Variants in NPHP4 observed in about 807,000 individuals in gnomAD.
NPHP4 encodes the protein nephrocystin-4.
NPHP4 carries 151 observed loss-of-function variants against 155.8 expected under a neutral mutation model. The observed-to-expected ratio is 0.97, with a 90% confidence interval of 0.85 to 1.11. The LOEUF (loss-of-function observed/expected upper bound fraction) is 1.11. NPHP4 is among the 50% of genes least tolerant of loss of function. NPHP4 has a pLI of 0.00. For synonymous variants in NPHP4, 845 were observed against 816.8 expected, an observed-to-expected ratio of 1.03 and a Z score of -0.59; for missense variants, 1,956 against 1,925.7, an observed-to-expected ratio of 1.02 and a Z score of -0.29.
chr1:5,902,991 G>A (rs1241450956), intron 16 of NPHP4, among the ~76,000 whole-genome samples: 1 of 152,214 alleles, frequency 6.6e-6, no homozygotes, highest in Non-Finnish European at 1.5e-5. Flanking sequence ...AGTATAGGGT[G>A]ATGCCTGCTT....
At chr1:5,933,856 C>T (rs143510145) in intron 9 of NPHP4, among the ~76,000 whole-genome samples, 5 of 152,294 alleles carry the variant, frequency 3.3e-5, no homozygotes, top group South Asian at 4.2e-4. Flanking sequence ...TAGCACATTT[C>T]GTATCTGTAG....
At chr1:5,978,829 T>G (rs35766174) in intron 2 of NPHP4, among the ~76,000 whole-genome samples, 18,109 of 152,266 alleles carry the variant, frequency 0.12, 1,402 homozygotes, top group Non-Finnish European at 0.17. Context: ...GGATTTGCTG[T>G]GAGTCAACAA....
intron 2 of NPHP4, among the ~76,000 whole-genome samples, chr1:5,982,239 G>C (rs765129039): frequency 6.6e-6 from 1 of 151,810 alleles, no homozygotes; most frequent in African/African-American, 2.4e-5. Flanking sequence ...ATGACATTTC[G>C]ATCAGCAACA....
intron 9 of NPHP4, among the ~76,000 whole-genome samples, chr1:5,933,752 TA>T: frequency 6.6e-6 from 1 of 152,264 alleles, no homozygotes; most frequent in East Asian, 1.9e-4. Context: ...TTTGAATTCC[TA>T]ATCAGAAATT....
rs536025130 is a variant in NPHP4 at position 5,944,670 on chromosome 1, C to G, written c.1119+2434G>C. On this transcript the variant is annotated intron_variant, in intron 9 of 29. Coordinates refer to ENST00000378156, the MANE Select transcript of NPHP4 (RefSeq NM_015102.5). The surrounding 1 kb of genome is among the most constrained non-coding windows in gnomAD (Gnocchi z 4.3). ...TCCCAGTTACAATCGACCAGCACAT[C>G]GGAAAGTACCAATGACTGGCCGGGC... 3.9e-5 allele frequency among the ~76,000 whole-genome samples: 6 copies of G among 152,188 alleles called. No homozygotes were observed. The highest frequency in any genetic ancestry group is 2.0e-4 in the Admixed American group (3 of 15,286).
In NPHP4 at chr1:5,944,722, C is replaced by T. The variant is rs1570567808; in HGVS notation, c.1119+2382G>A. Among the ~76,000 whole-genome samples the T allele has an allele frequency of 6.6e-6, 1 of 152,326 alleles. No individual in the cohort carries two copies. Among genetic ancestry groups the T allele is most frequent in the Non-Finnish European group, 1.5e-5 (1 of 68,036 alleles). ...CGGTGGTTCACGTCTGGAACCTGAGCACTTTGGGAGGCCAAGGAGGGCAGA... is the reference window on the plus strand; with the variant it reads ...CGGTGGTTCACGTCTGGAACCTGAGTACTTTGGGAGGCCAAGGAGGGCAGA... On this transcript the variant is annotated intron_variant, in intron 9 of 29. Transcript: ENST00000378156. This position sits in a 1 kb window ranked among gnomAD's most constrained non-coding sequence, Gnocchi z 4.3.
At chr1:5,880,326 CT>C in intron 18 of NPHP4, 87 bp from the exon 19 acceptor site, 1 of 1,419,512 alleles carries the variant, frequency 7.0e-7, no homozygotes, top group Non-Finnish European at 9.8e-7. Context: ...GCGGCTGTGG[CT>C]TTCAAATGGC....
chr1:5,864,940 G>A (rs952253825), intron 27 of NPHP4, 162 bp downstream of exon 27: 105 of 666,360 alleles, frequency 1.6e-4, no homozygotes, highest in African/African-American at 1.4e-3. Flanking sequence ...CACATCTAAC[G>A]AAAGGCAACT....
intron 23 of NPHP4, among the ~76,000 whole-genome samples, chr1:5,872,555 T>C (rs2100583147): frequency 6.6e-6 from 1 of 152,188 alleles, no homozygotes; most frequent in African/African-American, 2.4e-5. Context: ...TTTTCACTGG[T>C]GATGGGGCCC....
At position 5,927,748 on chromosome 1, in the gene NPHP4, A is replaced by G. The variant is rs535374578; in HGVS notation, c.1342T>C (p.Ser448Pro). 1.2e-6 allele frequency: 2 copies of G among 1,613,460 alleles called. No homozygotes were observed. The highest frequency in any genetic ancestry group is 4.5e-5 in the East Asian group (2 of 44,856). ...TCCAGGTGTTCTTCTGAGCCCAGCG[A>G]GAACTGGAACCGGAGTGTACCCGAC... ...VESGTLRFQF[S>P]LGSEEHLDAP... The change falls in exon 11 of 30, where the codon TCG (serine) becomes CCG (proline). Residue 448 changes from serine (S) to proline (P), a missense_variant. Physicochemically the swap from Ser to Pro is moderately conservative, Grantham distance 74. Coordinates refer to ENST00000378156, the MANE Select transcript of NPHP4 (RefSeq NM_015102.5).
At chr1:5,976,661 A>G (rs1214735872) in intron 3 of NPHP4, among the ~76,000 whole-genome samples, 1 of 152,190 alleles carries the variant, frequency 6.6e-6, no homozygotes, top group Non-Finnish European at 1.5e-5. Flanking sequence ...GACAACCTTA[A>G]TGTCAGACAC....
In NPHP4 at chr1:5,909,154, CT is replaced by C; in HGVS notation, c.1500del (p.Leu502CysfsTer52). On this transcript the variant is annotated frameshift_variant, in exon 12 of 30. Transcript: ENST00000378156. LOFTEE classifies it high-confidence loss of function. The part of the protein sequence containing the change: ...LAAPQNSPVG[P>X]GLSISQLAAS... ...GGCCGTGGGGGGCCTGGACTTACCCCTGGTCCCACAGGTGAGTTCTGCGGGG... is the reference window on the plus strand; with the variant it reads ...GGCCGTGGGGGGCCTGGACTTACCCCGGTCCCACAGGTGAGTTCTGCGGGG... The C allele has an allele frequency of 6.3e-7, 1 of 1,597,714 alleles. No individual in the cohort carries two copies. Among genetic ancestry groups the C allele is most frequent in the Non-Finnish European group, 8.5e-7 (1 of 1,172,290 alleles).
At chr1:5,986,465 G>C in intron 1 of NPHP4, 138 bp from the exon 2 acceptor site, 1 of 662,038 alleles carries the variant, frequency 1.5e-6, no homozygotes, top group Non-Finnish European at 2.4e-6. Context: ...CCCCAGAAGA[G>C]TGGACTTTGT....
intron 18 of NPHP4, chr1:5,880,566 T>C: frequency 2.9e-6 from 1 of 345,676 alleles, no homozygotes; most frequent in African/African-American, 2.1e-5. Context: ...GCGGGCTGCC[T>C]CACAAACTCT....
chr1:5,918,944 A>C (rs566184943), intron 11 of NPHP4, among the ~76,000 whole-genome samples: 27 of 152,366 alleles, frequency 1.8e-4, no homozygotes, highest in Admixed American at 7.2e-4. Context: ...GCCCAGAAAA[A>C]AATGGGCAGC....
chr1:5,897,825 C>T (rs1166350547), intron 16 of NPHP4, among the ~76,000 whole-genome samples: 1 of 152,138 alleles, frequency 6.6e-6, no homozygotes, highest in Non-Finnish European at 1.5e-5. Context: ...TAAAAGGGTA[C>T]CTTATTTTTA....
intron 18 of NPHP4, 68 bp from the exon 19 acceptor site, chr1:5,880,307 AC>A: frequency 6.5e-7 from 1 of 1,545,826 alleles, no homozygotes; most frequent in South Asian, 1.1e-5. Flanking sequence ...AGATCAACCC[AC>A]CACATAAGCG....
intron 5 of NPHP4, 107 bp from the exon 6 acceptor site, chr1:5,962,056 G>A: frequency 1.2e-6 from 1 of 817,076 alleles, no homozygotes; most frequent in South Asian, 1.9e-5. Flanking sequence ...AACAGGAAAA[G>A]GACTTTTCTA....
intron 16 of NPHP4, among the ~76,000 whole-genome samples, chr1:5,897,861 G>A (rs1052679519): frequency 2.0e-5 from 3 of 152,232 alleles, no homozygotes; most frequent in Middle Eastern, 3.2e-3. Context: ...TTATTTAGAG[G>A]TAGAGTGTTA....
Sources: gnomAD v4.1 joint callset for allele counts (sites outside exome capture counted in the v4.1 genomes callset) on GRCh38, gnomAD v4.1.1 for gene constraint, Gnocchi (gnomAD v3.1) non-coding constraint, MANE v1.5 for transcripts, NCBI Gene and HGNC (gene_info 2026-07-23, HGNC 2026-07-21) for gene names.